The following LRRTM4 variants were observed in gnomAD, a reference collection of about 807,000 sequenced individuals.
LRRTM4 encodes leucine rich repeat transmembrane neuronal 4.
Under a neutral mutation model 47.6 loss-of-function variants are expected in LRRTM4, and 25 were observed. The observed-to-expected ratio is 0.53, with a 90% CI of 0.38 to 0.73. The LOEUF (loss-of-function observed/expected upper bound fraction) is 0.73. Ranked by LOEUF, LRRTM4 falls within the 30% of genes least tolerant of loss-of-function variation. The pLI, the probability that LRRTM4 is intolerant of heterozygous loss-of-function variation, is 0.00. For synonymous variants in LRRTM4, 311 were observed against 269.5 expected, an observed-to-expected ratio of 1.15 and a Z score of -1.51; for missense variants, 638 against 713.4, an observed-to-expected ratio of 0.89 and a Z score of 1.20.
At chr2:77,200,085 A>G (rs2103897450) in intron 3 of LRRTM4, among the ~76,000 whole-genome samples, 1 of 152,196 alleles carries the variant, frequency 6.6e-6, no homozygotes, top group East Asian at 1.9e-4. Context: ...ATAGAATCAT[A>G]CATTTCTTTT....
chr2:76,894,861 C>T (rs1039336249), intron 3 of LRRTM4, among the ~76,000 whole-genome samples: 1 of 151,078 alleles, frequency 6.6e-6, no homozygotes, highest in African/African-American at 2.4e-5. Flanking sequence ...TACACATGCG[C>T]ACATTGTTAT....
intron 3 of LRRTM4, among the ~76,000 whole-genome samples, chr2:77,007,181 C>CAT (rs1240499599): frequency 3.3e-5 from 5 of 151,884 alleles, no homozygotes; most frequent in South Asian, 4.2e-4. Flanking sequence ...CACACACACA[C>CAT]GCATATATAT....
At chr2:76,778,463 T>G (rs1333979513) in intron 3 of LRRTM4, among the ~76,000 whole-genome samples, 1 of 148,170 alleles carries the variant, frequency 6.7e-6, no homozygotes, top group Non-Finnish European at 1.5e-5. Flanking sequence ...ATTCAGAGAT[T>G]CAACTTCTTC....
chr2:77,275,179 C>T (rs1479181770), intron 3 of LRRTM4, among the ~76,000 whole-genome samples: 1 of 152,102 alleles, frequency 6.6e-6, no homozygotes, highest in East Asian at 1.9e-4. Context: ...TTAAAACTTC[C>T]ATAGCATTTC....
intron 3 of LRRTM4, among the ~76,000 whole-genome samples, chr2:77,271,072 G>T (rs896532323): frequency 1.3e-5 from 2 of 152,108 alleles, no homozygotes; most frequent in African/African-American, 4.8e-5. Context: ...AAGACAATCT[G>T]CCCTTGTCAT....
intron 3 of LRRTM4, among the ~76,000 whole-genome samples, chr2:76,920,656 T>C (rs1456387290): frequency 6.6e-6 from 1 of 152,016 alleles, no homozygotes; most frequent in Non-Finnish European, 1.5e-5. Flanking sequence ...TTTAGAGGTG[T>C]TTTCCTGTGT....
intron 3 of LRRTM4, among the ~76,000 whole-genome samples, chr2:77,371,882 G>A (rs758348513): frequency 6.6e-6 from 1 of 151,660 alleles, no homozygotes; most frequent in Admixed American, 6.6e-5. Context: ...GTACTTGAAG[G>A]CTAACAAGCT....
intron 3 of LRRTM4, among the ~76,000 whole-genome samples, chr2:76,792,692 T>G (rs1449880605): frequency 6.6e-6 from 1 of 152,130 alleles, no homozygotes; most frequent in Non-Finnish European, 1.5e-5. Context: ...TCTTATAGAC[T>G]TGTAGAATTC....
intron 3 of LRRTM4, among the ~76,000 whole-genome samples, chr2:77,039,222 AG>A (rs2104168685): frequency 6.6e-6 from 1 of 151,504 alleles, no homozygotes; most frequent in East Asian, 1.9e-4. Context: ...ATGAAAAAGT[AG>A]GGGCAGCTTA....
chr2:76,978,121 C>T (rs1305658204), intron 3 of LRRTM4, among the ~76,000 whole-genome samples: 2 of 151,968 alleles, frequency 1.3e-5, no homozygotes, highest in Admixed American at 6.6e-5. Flanking sequence ...AACATTTGCC[C>T]TCTCATAGTT....
intron 3 of LRRTM4, among the ~76,000 whole-genome samples, chr2:77,080,579 T>G (rs1366834567): frequency 6.6e-6 from 1 of 152,160 alleles, no homozygotes; most frequent in Non-Finnish European, 1.5e-5. Context: ...GGAATCTACT[T>G]TATCTAAATT....
At chr2:77,217,424 C>T (rs1250792819) in intron 3 of LRRTM4, among the ~76,000 whole-genome samples, 7 of 57,414 alleles carry the variant, frequency 1.2e-4, no homozygotes, top group African/African-American at 6.4e-4. Context: ...ATGATTTGGG[C>T]TATATCTCCA....
At chr2:76,946,999 G>T (rs1003139867) in intron 3 of LRRTM4, among the ~76,000 whole-genome samples, 1 of 151,812 alleles carries the variant, frequency 6.6e-6, no homozygotes, top group African/African-American at 2.4e-5. Flanking sequence ...CCTGAGTGAA[G>T]AGAATAATTA....
intron 3 of LRRTM4, among the ~76,000 whole-genome samples, chr2:77,159,969 T>C (rs538407445): frequency 6.6e-6 from 1 of 152,278 alleles, no homozygotes; most frequent in African/African-American, 2.4e-5. Context: ...ACTGCTTCTA[T>C]GTCTTCTTCC....
chr2:76,758,497 T>C (rs1023985434), intron 3 of LRRTM4, among the ~76,000 whole-genome samples: 2 of 152,114 alleles, frequency 1.3e-5, no homozygotes, highest in African/African-American at 4.8e-5. Flanking sequence ...GACTGGCTGG[T>C]CTTCATGAAA....
At chr2:77,192,389 C>G (rs1673693016) in intron 3 of LRRTM4, among the ~76,000 whole-genome samples, 1 of 151,814 alleles carries the variant, frequency 6.6e-6, no homozygotes, top group Non-Finnish European at 1.5e-5. Context: ...CTAATTTTTA[C>G]TTTCTCATGA....
At chr2:76,749,440 A>T (rs960341859) in intron 3 of LRRTM4, among the ~76,000 whole-genome samples, 4 of 152,144 alleles carry the variant, frequency 2.6e-5, no homozygotes, top group African/African-American at 9.7e-5. Flanking sequence ...TACACAATTG[A>T]AATCTTTACT....
At chr2:77,273,071 G>A (rs991189239) in intron 3 of LRRTM4, among the ~76,000 whole-genome samples, 1 of 152,004 alleles carries the variant, frequency 6.6e-6, no homozygotes, top group Non-Finnish European at 1.5e-5. Flanking sequence ...ATTATAATGG[G>A]ACCACTTTAA....
At chr2:77,163,620 C>A (rs746725436) in intron 3 of LRRTM4, among the ~76,000 whole-genome samples, 2 of 151,268 alleles carry the variant, frequency 1.3e-5, no homozygotes, top group Admixed American at 6.6e-5. Flanking sequence ...AGACTAACAG[C>A]GGATCTGTTA....
Sources: allele counts gnomAD v4.1 joint callset (sites outside exome capture counted in the v4.1 genomes callset), GRCh38; gene constraint gnomAD v4.1.1; transcripts MANE v1.5; gene names NCBI Gene and HGNC (gene_info 2026-07-23, HGNC 2026-07-21).